The following MYO9A variants were observed in gnomAD, a reference collection of about 807,000 sequenced individuals.
MYO9A encodes the protein myosin IXA, also known as unconventional myosin-IXa.
In MYO9A, 103 loss-of-function variants were observed where a neutral mutation model predicts 293.3. The observed-to-expected ratio is 0.35, with a 90% CI of 0.30 to 0.41. MYO9A has a LOEUF of 0.41. Among genes scored for constraint, MYO9A ranks in the 10% least tolerant of loss-of-function variants. The pLI is 1.00. For missense variants in MYO9A, 2,685 were observed against 3,033.0 expected, an observed-to-expected ratio of 0.89 and a Z score of 2.69; for synonymous variants, 1,001 against 1,035.7, an observed-to-expected ratio of 0.97 and a Z score of 0.64.
intron 1 of MYO9A, among the ~76,000 whole-genome samples, chr15:72,107,825 C>T (rs2080628934): frequency 7.4e-6 from 1 of 134,670 alleles, no homozygotes; most frequent in Admixed American, 7.6e-5. Context: ...CTGCAAATGA[C>T]TATAATACAA....
chr15:71,889,276 G>C (rs2057108408), intron 26 of MYO9A, among the ~76,000 whole-genome samples: 1 of 152,028 alleles, frequency 6.6e-6, no homozygotes, highest in Non-Finnish European at 1.5e-5. Flanking sequence ...AAGGATTAAA[G>C]GTAATTGAGC....
intron 15 of MYO9A, among the ~76,000 whole-genome samples, chr15:71,941,852 C>G (rs2058784528): frequency 6.6e-6 from 1 of 152,022 alleles, no homozygotes; most frequent in Non-Finnish European, 1.5e-5. Flanking sequence ...GAACATGGAA[C>G]ATCTTTAAAA....
At chr15:71,883,237 T>C (rs1261664308) in intron 28 of MYO9A, among the ~76,000 whole-genome samples, 2 of 152,324 alleles carry the variant, frequency 1.3e-5, no homozygotes, top group East Asian at 1.9e-4. Context: ...GTGCCTTGCA[T>C]GTAGTAAGCA....
intron 25 of MYO9A, among the ~76,000 whole-genome samples, chr15:71,895,938 G>C (rs779932962): frequency 1.0e-4 from 15 of 143,822 alleles, no homozygotes; most frequent in Non-Finnish European, 1.9e-4. Context: ...ATAATTAATA[G>C]ACATTAAAGA....
At chr15:71,838,000 T>C (rs2055007641) in intron 39 of MYO9A, among the ~76,000 whole-genome samples, 1 of 152,128 alleles carries the variant, frequency 6.6e-6, no homozygotes, top group African/African-American at 2.4e-5. Flanking sequence ...CTGTATATTC[T>C]CTTGTAGTGT....
chr15:71,962,439 G>A (rs1326497774), intron 13 of MYO9A, among the ~76,000 whole-genome samples: 1 of 152,080 alleles, frequency 6.6e-6, no homozygotes, highest in African/African-American at 2.4e-5. Context: ...CAGGAAACAA[G>A]CCAGGAATTT....
chr15:71,929,035 A>G (rs2058403464), intron 18 of MYO9A, among the ~76,000 whole-genome samples: 2 of 151,856 alleles, frequency 1.3e-5, no homozygotes. Flanking sequence ...ATGCCACTGC[A>G]CTTCAGCCTG....
chr15:72,089,012 G>A (rs2079826302), intron 1 of MYO9A, among the ~76,000 whole-genome samples: 1 of 152,200 alleles, frequency 6.6e-6, no homozygotes, highest in Non-Finnish European at 1.5e-5. Flanking sequence ...AGAAAACAGA[G>A]TATCCCTTAT....
chr15:71,949,535 G>GT (rs2059004900), intron 15 of MYO9A, among the ~76,000 whole-genome samples: 1 of 151,574 alleles, frequency 6.6e-6, no homozygotes, highest in Non-Finnish European at 1.5e-5. Flanking sequence ...AAAGACTTCA[G>GT]TTTTTCCCAC....
chr15:71,826,009 GTTTTTTTTTTTTGT>G lies in MYO9A; in HGVS notation c.*557_*570del, dbSNP rs2054478951. On this transcript the variant is annotated 3_prime_UTR_variant, in exon 42 of 42. Coordinates refer to ENST00000356056, the MANE Select transcript of MYO9A (RefSeq NM_006901.4). Reference sequence around the variant, plus strand: ...GGTTTTTTTTTGTTTTTTTTTTTTTGTTTTTTTTTTTTGTTTTTGCTTTCCCCAGAATATAACAT... The same window carrying G: ...GGTTTTTTTTTGTTTTTTTTTTTTTGTTTTGCTTTCCCCAGAATATAACAT... 1.4e-4 allele frequency: 9 copies of G among 64,208 alleles called. No individual in the cohort carries two copies. The highest frequency in any genetic ancestry group is 5.5e-4 in the African/African-American group (9 of 16,400). The allele number at this position is 64,208 out of a possible 1,614,324, so 4.0% of individuals were successfully genotyped here. A position where few individuals can be genotyped will look rare whatever the true frequency, so the allele number is the denominator to read the frequency against.
Position 71,899,699 on chromosome 15 carries a change from C to T in MYO9A, c.3458G>A (p.Arg1153Lys), listed in dbSNP as rs2057427553. ...ILLQSTCRGF[R>K]ARQRFKALKE... ...TAATAGAGATTACCTTTGTCTTGCTCTGAATCCTCTACATGTTGATTGCAA... is the reference window on the plus strand; with the variant it reads ...TAATAGAGATTACCTTTGTCTTGCTTTGAATCCTCTACATGTTGATTGCAA... The change falls in exon 24 of 42, where the codon AGA becomes AAA. Residue 1153 changes from arginine (R) to lysine (K), a missense_variant. By Grantham distance (26) the Arg-to-Lys change is conservative (BLOSUM62 2). This residue lies in a region of MYO9A where 1,434 missense variants were observed against 1,497.7 expected (regional missense o/e 0.96). Coordinates refer to ENST00000356056, the MANE Select transcript of MYO9A (RefSeq NM_006901.4). 5 of 1,612,472 alleles carry T rather than the reference C, an allele frequency of 3.1e-6. No homozygotes were observed. The highest frequency in any genetic ancestry group is 4.2e-6 in the Non-Finnish European group (5 of 1,179,242).
intron 1 of MYO9A, among the ~76,000 whole-genome samples, chr15:72,059,676 GC>G (rs1196259621): frequency 1.3e-5 from 2 of 152,108 alleles, no homozygotes; most frequent in South Asian, 2.1e-4. Flanking sequence ...TGAACTTAGA[GC>G]TCTTCAATCC....
intron 1 of MYO9A, chr15:72,114,219 T>G (rs1209095300): frequency 5.3e-5 from 8 of 152,106 alleles, no homozygotes; most frequent in Admixed American, 4.6e-4. Flanking sequence ...GTCTCTTCCC[T>G]CCAAGTGAAA....
intron 13 of MYO9A, 118 bp from the exon 14 acceptor site, chr15:71,960,214 C>T: frequency 5.7e-6 from 5 of 880,080 alleles, no homozygotes; most frequent in Non-Finnish European, 8.7e-6. Context: ...AAATGTGATT[C>T]CCCCATGGTG....
intron 34 of MYO9A, among the ~76,000 whole-genome samples, chr15:71,858,968 G>T (rs185853643): frequency 1.3e-5 from 2 of 151,952 alleles, no homozygotes; most frequent in African/African-American, 4.8e-5. Context: ...CAATTTGCCT[G>T]TGCAGCTCCC....
intron 35 of MYO9A, among the ~76,000 whole-genome samples, chr15:71,852,998 G>A (rs979376116): frequency 2.0e-5 from 3 of 152,210 alleles, no homozygotes; most frequent in Non-Finnish European, 4.4e-5. Context: ...TTGGGAGGCT[G>A]AGGCAGAATT....
At chr15:71,919,806 C>T (rs1469829539) in intron 18 of MYO9A, among the ~76,000 whole-genome samples, 2 of 133,646 alleles carry the variant, frequency 1.5e-5, no homozygotes, top group East Asian at 2.2e-4. Flanking sequence ...CGCACCACTG[C>T]ACTCCAGCCA....
intron 1 of MYO9A, among the ~76,000 whole-genome samples, chr15:72,091,998 T>C (rs1011057123): frequency 2.0e-5 from 3 of 152,140 alleles, no homozygotes; most frequent in Non-Finnish European, 2.9e-5. Context: ...TTACAGGTGT[T>C]AGCCATCGCG....
intron 1 of MYO9A, among the ~76,000 whole-genome samples, chr15:72,057,959 C>T (rs1441890219): frequency 2.0e-5 from 3 of 152,146 alleles, no homozygotes; most frequent in Admixed American, 1.3e-4. Flanking sequence ...TATTTCAGTG[C>T]AATACCCTTT....
Sources: allele counts gnomAD v4.1 joint callset (sites outside exome capture counted in the v4.1 genomes callset), GRCh38; gene constraint gnomAD v4.1.1; regional missense constraint gnomAD v4.1.1; transcripts MANE v1.5; gene names NCBI Gene and HGNC (gene_info 2026-07-23, HGNC 2026-07-21).